BOK: variants seen among roughly 807,000 people sequenced by gnomAD.
The protein encoded by BOK is BCL2 family apoptosis regulator BOK.
Under a neutral mutation model 18.3 loss-of-function variants are expected in BOK, and 20 were observed. That is an observed-to-expected ratio of 1.09 (90% confidence interval 0.77 to 1.59). The LOEUF (loss-of-function observed/expected upper bound fraction) is 1.59, where lower values mean the gene tolerates loss of function less well. BOK is among the 40% of genes most tolerant of loss of function. The pLI is 0.00. For missense variants in BOK, 348 were observed against 307.9 expected (o/e 1.13, Z -0.97); for synonymous variants, 173 against 142.4 (o/e 1.21, Z -1.53).
At chr2:241,559,138 G>T (rs1291405974) in intron 1 of BOK, 145 bp downstream of exon 1, 2 of 181,272 alleles carry the variant, frequency 1.1e-5, no homozygotes, top group Non-Finnish European at 1.1e-5. Context: ...GGCAGTCGCC[G>T]TGGGGGACGC....
upstream of BOK, among the ~76,000 whole-genome samples, chr2:241,558,283 A>T (rs1356916607): frequency 5.3e-5 from 8 of 152,362 alleles, no homozygotes; most frequent in East Asian, 1.5e-3. Context: ...TCTAAAAGGA[A>T]ATACAGGAGG....
chr2:241,570,175 G>T lies in BOK; in HGVS notation c.400G>T (p.Ala134Ser). 1.2e-6 allele frequency: 2 copies of T among 1,610,812 alleles called. No individual in the cohort carries two copies. Among genetic ancestry groups the T allele is most frequent in the Non-Finnish European group, 1.7e-6 (2 of 1,179,264 alleles). Residue 134 changes from alanine (A) to serine (S), a missense_variant, in exon 4 of 5, where the codon GCC (alanine) becomes TCC (serine). By Grantham distance (99) the Ala-to-Ser change is moderately conservative. Transcript: ENST00000318407. ...CCTGTATGCGGTGGCCGCGGGGCTG[G>T]CCGTGGACTGTGTGAGGCAGGCCCA... ...VSLYAVAAGL[A>S]VDCVRQAQPA...
chr2:241,563,598 G>A (rs1375122994), intron 3 of BOK, among the ~76,000 whole-genome samples: 1 of 152,148 alleles, frequency 6.6e-6, no homozygotes, highest in Non-Finnish European at 1.5e-5. Flanking sequence ...GCAGTTTTTT[G>A]GAAGACCCCT....
chr2:241,569,148 A>G (rs1559204935), intron 3 of BOK, among the ~76,000 whole-genome samples: 3 of 152,166 alleles, frequency 2.0e-5, no homozygotes, highest in Admixed American at 6.5e-5. Flanking sequence ...TTATTTATTT[A>G]GAGACGGGGT....
intron 1 of BOK, among the ~76,000 whole-genome samples, chr2:241,553,353 T>A (rs2066427741): frequency 6.6e-6 from 1 of 152,164 alleles, no homozygotes; most frequent in African/African-American, 2.4e-5. Flanking sequence ...GGTTTCACCA[T>A]GTTGGCCAGG....
chr2:241,562,160 C>T lies in BOK; in HGVS notation c.221-188C>T, dbSNP rs572373371. On this transcript the variant is annotated intron_variant, in intron 2 of 4. Transcript: ENST00000318407. The surrounding 1 kb of genome is among the most constrained non-coding windows in gnomAD (Gnocchi z 4.5). ...TCCTTGGTCTTCTGGTCCCTAGGGG[C>T]CAAGGTTGGGGGATGGCCCAAGGGA... is the stretch of plus-strand genomic sequence containing the variant. 6.6e-6 allele frequency among the ~76,000 whole-genome samples: 1 copy of T among 152,296 alleles called. No individual in the cohort carries two copies. The highest frequency in any genetic ancestry group is 2.1e-4 in the South Asian group (1 of 4,822).
At chr2:241,567,944 C>T (rs1054811708) in intron 3 of BOK, among the ~76,000 whole-genome samples, 4 of 152,108 alleles carry the variant, frequency 2.6e-5, no homozygotes, top group Non-Finnish European at 5.9e-5. Flanking sequence ...CGCCATTCCC[C>T]ACCCCTCGCC....
rs1559199341 is a variant in BOK at position 241,559,502 on chromosome 2, T to C, written c.19T>C (p.Ser7Pro). The C allele has an allele frequency of 8.1e-6, 12 of 1,485,594 alleles. No individual in the cohort carries two copies. The highest frequency in any genetic ancestry group is 8.9e-7 in the Non-Finnish European group (1 of 1,124,460). The allele number at this position is 1,485,594 out of a possible 1,614,324, so 92.0% of individuals were successfully genotyped here. Residue 7 changes from serine (S) to proline (P), a missense_variant, in exon 2 of 5, where the codon TCC becomes CCC. Coordinates refer to ENST00000318407, the MANE Select transcript of BOK (RefSeq NM_032515.5). MEVLRR[S>P]SVFAAEIMDA... ...CGCCGCCATGGAGGTGCTGCGGCGC[T>C]CCTCGGTCTTCGCCGCCGAGATCAT... is the stretch of plus-strand genomic sequence containing the variant.
intron 4 of BOK, 100 bp from the exon 5 acceptor site, chr2:241,572,197 T>C: frequency 6.6e-7 from 1 of 1,522,886 alleles, no homozygotes; most frequent in South Asian, 1.2e-5. Context: ...CTTCATGCAA[T>C]TTTGCTGATA....
chr2:241,555,565 C>T (rs374157388), upstream of BOK, among the ~76,000 whole-genome samples: 4 of 151,792 alleles, frequency 2.6e-5, no homozygotes, highest in East Asian at 3.9e-4. Context: ...TTAGTAGAAA[C>T]GGAGTCTCAC....
Position 241,569,280 on chromosome 2 carries a change from T to C in BOK, c.350-845T>C, listed in dbSNP as rs376886881. 1.7e-4 allele frequency among the ~76,000 whole-genome samples: 26 copies of C among 151,750 alleles called. 1 individual carries two copies. The highest frequency in any genetic ancestry group is 1.0e-3 in the South Asian group (5 of 4,780). Reference sequence around the variant, plus strand: ...CCGAGTAGCTGGGATTATAGGCGCGTGCCACCACGCCTGGCTAATTTTTTG... The same window carrying C: ...CCGAGTAGCTGGGATTATAGGCGCGCGCCACCACGCCTGGCTAATTTTTTG... On this transcript the variant is annotated intron_variant, in intron 3 of 4. Transcript: ENST00000318407.
chr2:241,572,275 CG>C (rs1559207330), intron 4 of BOK, 21 bp from the exon 5 acceptor site: 1 of 1,607,078 alleles, frequency 6.2e-7, no homozygotes, highest in Non-Finnish European at 8.5e-7. Flanking sequence ...TGCTTTCTAA[CG>C]GTCTCCCTCT....
At chr2:241,552,670 G>A (rs1284886573) in intron 1 of BOK, among the ~76,000 whole-genome samples, 1 of 152,162 alleles carries the variant, frequency 6.6e-6, no homozygotes, top group Non-Finnish European at 1.5e-5. Flanking sequence ...ATGCCAGCGC[G>A]TTCAGAAACT....
chr2:241,554,438 T>C (rs972525201), upstream of BOK, among the ~76,000 whole-genome samples: 2 of 152,202 alleles, frequency 1.3e-5, no homozygotes, highest in African/African-American at 2.4e-5. Flanking sequence ...CAGGCTCTTA[T>C]GGAAATCCAG....
intron 1 of BOK, 74 bp downstream of exon 1, chr2:241,559,067 G>A (rs1171528796): frequency 6.5e-6 from 1 of 152,820 alleles, no homozygotes; most frequent in Non-Finnish European, 1.5e-5. Flanking sequence ...GGGGACACGC[G>A]CGCAGGACGC....
At chr2:241,552,378 G>A (rs2066420270) in intron 1 of BOK, among the ~76,000 whole-genome samples, 1 of 152,120 alleles carries the variant, frequency 6.6e-6, no homozygotes, top group Non-Finnish European at 1.5e-5. Context: ...GCTTGTGTTC[G>A]GCCCCACCCA....
intron 1 of BOK, among the ~76,000 whole-genome samples, chr2:241,552,389 G>C (rs1323738130): frequency 6.6e-6 from 1 of 152,164 alleles, no homozygotes; most frequent in African/African-American, 2.4e-5. Flanking sequence ...GCCCCACCCA[G>C]TCCCTCTGGC....
rs144025734 is a variant in BOK, at chr2:241,566,112, C to G, written c.349+3636C>G. 9.7e-3 allele frequency among the ~76,000 whole-genome samples: 1,469 copies of G among 151,726 alleles called. 16 individuals carry two copies. Among genetic ancestry groups the G allele is most frequent in the South Asian group, 0.02 (96 of 4,796 alleles). On this transcript the variant is annotated intron_variant, in intron 3 of 4. Coordinates refer to ENST00000318407, the MANE Select transcript of BOK (RefSeq NM_032515.5). ...CCAGCCTGACCAAAAAGAAGAAACC[C>G]TGTCTCTAATAAAAATACAAAATTG...
chr2:241,570,122 C>CA lies in BOK; in HGVS notation c.350-2dup, dbSNP rs1575004019. On this transcript the variant is annotated splice_polypyrimidine_tract_variant and splice_region_variant and intron_variant, in intron 3 of 4. Transcript: ENST00000318407. ...CTGATCTTGACCATCTCTCTCCCTGCAGGCATCACGTGGGGCAAGGTGGTG... is the reference window on the plus strand; with the variant it reads ...CTGATCTTGACCATCTCTCTCCCTGCAAGGCATCACGTGGGGCAAGGTGGTG... The CA allele has an allele frequency of 6.2e-7, 1 of 1,610,834 alleles. No individual in the cohort carries two copies. Among genetic ancestry groups the CA allele is most frequent in the Non-Finnish European group, 8.5e-7 (1 of 1,179,064 alleles).
Sources: gnomAD v4.1 joint callset for allele counts (sites outside exome capture counted in the v4.1 genomes callset) on GRCh38, gnomAD v4.1.1 for gene constraint, Gnocchi (gnomAD v3.1) non-coding constraint, MANE v1.5 for transcripts, NCBI Gene and HGNC (gene_info 2026-07-23, HGNC 2026-07-21) for gene names.